The following LARGE1 variants were observed in gnomAD, a reference collection of about 807,000 sequenced individuals.
LARGE1 encodes the protein xylosyl- and glucuronyltransferase LARGE1.
A neutral mutation model predicts 87.6 loss-of-function variants in LARGE1; 43 were observed. That is an observed-to-expected ratio of 0.49 (90% CI 0.38 to 0.63). The LOEUF is 0.63. LARGE1 is among the 30% of genes least tolerant of loss of function. LARGE1 has a pLI of 0.00. For synonymous variants in LARGE1, 434 were observed against 394.6 expected (o/e 1.10, Z -1.18); for missense variants, 802 against 1,000.2 (o/e 0.80, Z 2.67).
At chr22:33,911,810 C>A (rs1379849717) in intron 1 of LARGE1, among the ~76,000 whole-genome samples, 4 of 150,356 alleles carry the variant, frequency 2.7e-5, no homozygotes, top group Non-Finnish European at 5.9e-5. Flanking sequence ...TCAGAGAATT[C>A]ATTCTGCTGA....
intron 1 of LARGE1, among the ~76,000 whole-genome samples, chr22:33,822,897 G>A (rs1306630965): frequency 6.6e-6 from 1 of 152,130 alleles, no homozygotes; most frequent in East Asian, 1.9e-4. Context: ...AAAGCCAGAA[G>A]TAGAACATGA....
chr22:33,843,244 T>C (rs958095988), intron 1 of LARGE1, among the ~76,000 whole-genome samples: 1 of 152,024 alleles, frequency 6.6e-6, no homozygotes, highest in Non-Finnish European at 1.5e-5. Context: ...GTATGTCCCT[T>C]CCAGACTGGA....
intron 4 of LARGE1, among the ~76,000 whole-genome samples, chr22:33,605,534 TAAATA>T (rs2079228569): frequency 6.6e-6 from 1 of 152,096 alleles, no homozygotes; most frequent in African/African-American, 2.4e-5. Context: ...CTGTGTTGAT[TAAATA>T]AAATAAGAAG....
intron 10 of LARGE1, among the ~76,000 whole-genome samples, chr22:33,334,435 A>AAAAAAC (rs796682561): frequency 5.5e-5 from 8 of 144,992 alleles, no homozygotes; most frequent in African/African-American, 1.4e-4. Context: ...AAAAAAAAAA[A>AAAAAAC]CACCAAACAA....
At chr22:33,373,972 C>CAAAAAAAAAA in intron 9 of LARGE1, among the ~76,000 whole-genome samples, 1 of 59,536 alleles carries the variant, frequency 1.7e-5, no homozygotes, top group Non-Finnish European at 3.1e-5. Flanking sequence ...GACTCCGTCT[C>CAAAAAAAAAA]AAAAAAAAAA....
intron 9 of LARGE1, among the ~76,000 whole-genome samples, chr22:33,357,747 T>C (rs554844557): frequency 3.9e-5 from 6 of 152,212 alleles, no homozygotes; most frequent in East Asian, 1.9e-4. Context: ...GGGGCCGAGA[T>C]TGCACCATTG....
chr22:33,132,040 C>T, the LARGE1 span, among the ~76,000 whole-genome samples: 1 of 151,656 alleles, frequency 6.6e-6, no homozygotes, highest in Non-Finnish European at 1.5e-5. Flanking sequence ...AGGAAAGACC[C>T]ACCCCTATGA....
rs114526741 is a variant in LARGE1, at chr22:33,680,329, G to A, written c.107-29661C>T. Among the ~76,000 whole-genome samples the A allele has an allele frequency of 9.7e-3, 1,482 of 152,270 alleles. 33 individuals carry two copies. Among genetic ancestry groups the A allele is most frequent in the African/African-American group, 0.034 (1,409 of 41,548 alleles). On this transcript the variant is annotated intron_variant, in intron 2 of 14. Coordinates refer to ENST00000397394, the MANE Select transcript of LARGE1 (RefSeq NM_133642.5). Reference sequence around the variant, plus strand: ...CTTTTCTAACTCCAGAATGGGGCTCGGGGCGGGTGCAGAAGAGGCTTTTGA... The same window carrying A: ...CTTTTCTAACTCCAGAATGGGGCTCAGGGCGGGTGCAGAAGAGGCTTTTGA...
At position 33,324,514 on chromosome 22, in the gene LARGE1, T is replaced by C. The variant is rs1937074437; in HGVS notation, c.1288-8266A>G. Among the ~76,000 whole-genome samples the C allele has an allele frequency of 3.9e-5, 6 of 152,140 alleles. No homozygotes were observed. In the South Asian group the frequency reaches 1.2e-3, roughly 32 times the overall value. ...AACAAAAGACAGATTTCTCCTGAGA[T>C]AAAATGCATTTGCTAAACTGCTTCT... On this transcript the variant is annotated intron_variant, in intron 10 of 14. Transcript: ENST00000397394.
At chr22:33,539,042 G>A (rs890877578) in intron 6 of LARGE1, among the ~76,000 whole-genome samples, 1 of 152,076 alleles carries the variant, frequency 6.6e-6, no homozygotes, top group African/African-American at 2.4e-5. Context: ...ACATAGTAAG[G>A]TCAAGTATTG....
intron 11 of LARGE1, among the ~76,000 whole-genome samples, chr22:33,256,193 A>C (rs16992012): frequency 0.039 from 5,888 of 152,270 alleles, 327 homozygotes; most frequent in African/African-American, 0.11. Flanking sequence ...CAATCTTTCC[A>C]ATGTGGTTTT....
intron 6 of LARGE1, among the ~76,000 whole-genome samples, chr22:33,528,933 C>T (rs4821157): frequency 0.56 from 84,636 of 151,914 alleles, 23,991 homozygotes; most frequent in Admixed American, 0.64. Flanking sequence ...GCATTTTGCA[C>T]GTATGGAGTC....
intron 2 of LARGE1, among the ~76,000 whole-genome samples, chr22:33,746,008 T>C (rs1428322219): frequency 6.6e-6 from 1 of 152,224 alleles, no homozygotes; most frequent in Non-Finnish European, 1.5e-5. Flanking sequence ...CATGCCTGCC[T>C]GGGTTCAATC....
intron 11 of LARGE1, among the ~76,000 whole-genome samples, chr22:33,244,802 A>G (rs1408826778): frequency 1.3e-5 from 2 of 152,146 alleles, no homozygotes; most frequent in South Asian, 2.1e-4. Flanking sequence ...AGTGATCACC[A>G]GGATGCTTCT....
chr22:33,574,709 TGTGTGTGTGTGTGTGTGTGTGTG>T (rs1396699482), intron 5 of LARGE1, among the ~76,000 whole-genome samples: 31 of 120,510 alleles, frequency 2.6e-4, no homozygotes, highest in African/African-American at 1.2e-3. Flanking sequence ...TGTGTGTGTG[TGTGTGTGTGTGTGTGTGTGTGTG>T]TGTGTAAAAT....
At chr22:33,882,045 G>GTTTTTTTTTTTT (rs3216428) in intron 1 of LARGE1, among the ~76,000 whole-genome samples, 1 of 130,866 alleles carries the variant, frequency 7.6e-6, no homozygotes, top group African/African-American at 3.3e-5. Flanking sequence ...GTTTTTTTTT[G>GTTTTTTTTTTTT]TTTTTTTTTT....
At chr22:33,875,910 T>A (rs1469512848) in intron 1 of LARGE1, among the ~76,000 whole-genome samples, 7 of 152,204 alleles carry the variant, frequency 4.6e-5, no homozygotes. Flanking sequence ...AGGAGCATGC[T>A]GCATCTGGGC....
intron 6 of LARGE1, among the ~76,000 whole-genome samples, chr22:33,481,958 T>C (rs5998960): frequency 0.06 from 9,094 of 152,246 alleles, 767 homozygotes; most frequent in African/African-American, 0.19. Context: ...CCTTCTTTCC[T>C]ACCTACCAGA....
Position 33,543,215 on chromosome 22 carries a change from GAA to G in LARGE1, c.787+21631_787+21632del, listed in dbSNP as rs67400207. On this transcript the variant is annotated intron_variant, in intron 6 of 14. Coordinates refer to ENST00000397394, the MANE Select transcript of LARGE1 (RefSeq NM_133642.5). ...TTAATTAGGCCAAAAAAGAAAAAAA[GAA>G]AAAAAAAAAGGCCCAGGATGGTGAG... is the stretch of plus-strand genomic sequence containing the variant. Among the ~76,000 whole-genome samples, 1,024 of 146,188 alleles carry G rather than the reference GAA, an allele frequency of 7.0e-3. 6 individuals carry two copies. The highest frequency in any genetic ancestry group is 0.01 in the Non-Finnish European group (690 of 66,634).
Sources: gnomAD v4.1 joint callset for allele counts (sites outside exome capture counted in the v4.1 genomes callset) on GRCh38, gnomAD v4.1.1 for gene constraint, MANE v1.5 for transcripts, NCBI Gene and HGNC (gene_info 2026-07-23, HGNC 2026-07-21) for gene names.